EHHADH: variants seen among roughly 807,000 people sequenced by gnomAD.
EHHADH encodes peroxisomal bifunctional enzyme.
A neutral mutation model predicts 64.4 loss-of-function variants in EHHADH; 48 were observed. The observed-to-expected ratio is 0.75, with a 90% CI of 0.59 to 0.95. The LOEUF is 0.95. Among genes scored for constraint, EHHADH ranks in the 40% least tolerant of loss-of-function variants. The probability of loss-of-function intolerance (pLI) is 0.00; values close to 1 mark genes in which losing one functional copy is unlikely to be tolerated. For missense variants in EHHADH, 854 were observed against 876.6 expected (o/e 0.97, Z 0.33); for synonymous variants, 308 against 326.7 (o/e 0.94, Z 0.62).
intron 4 of EHHADH, among the ~76,000 whole-genome samples, chr3:185,226,278 T>TC (rs931360028): frequency 1.1e-4 from 16 of 151,878 alleles, no homozygotes; most frequent in Non-Finnish European, 2.2e-4. Context: ...TATGGAGAGG[T>TC]CCCCGTACAT....
At chr3:185,200,956 C>T (rs529446028) in intron 6 of EHHADH, among the ~76,000 whole-genome samples, 16 of 151,898 alleles carry the variant, frequency 1.1e-4, no homozygotes, top group Non-Finnish European at 1.8e-4. Flanking sequence ...GACTTTGGCC[C>T]GAGAGTGGCT....
chr3:185,204,355 A>C, intron 6 of EHHADH, 61 bp downstream of exon 6: 1 of 1,463,794 alleles, frequency 6.8e-7, no homozygotes, highest in Non-Finnish European at 9.2e-7. Context: ...AGCCCTAAGC[A>C]AATGGTAGCA....
intron 6 of EHHADH, among the ~76,000 whole-genome samples, chr3:185,194,826 A>AAAAAAAAAAAAAAAAAAAC (rs1718016403): frequency 1.4e-5 from 2 of 145,110 alleles, no homozygotes; most frequent in African/African-American, 2.6e-5. Context: ...AAAAAAAAAA[A>AAAAAAAAAAAAAAAAAAAC]AAGAAGCCTA....
At chr3:185,230,246 T>C (rs1001291245) in intron 3 of EHHADH, among the ~76,000 whole-genome samples, 6 of 152,220 alleles carry the variant, frequency 3.9e-5, no homozygotes, top group African/African-American at 1.2e-4. Flanking sequence ...GTAGACACTT[T>C]GGAAAACAAT....
intron 5 of EHHADH, among the ~76,000 whole-genome samples, chr3:185,205,731 A>T (rs1718369731): frequency 6.6e-6 from 1 of 152,194 alleles, no homozygotes; most frequent in South Asian, 2.1e-4. Flanking sequence ...CTGTTTGAGG[A>T]GCCAGAAGTT....
chr3:185,228,280 G>GAGA (rs1553778714), intron 4 of EHHADH, among the ~76,000 whole-genome samples: 29 of 95,520 alleles, frequency 3.0e-4, no homozygotes, highest in Admixed American at 5.8e-4. Context: ...ATATATATAT[G>GAGA]GAGAGAGAGA....
rs1410087896 is a variant in EHHADH, at chr3:185,191,458, GAGA to G, written c.*765_*767del. ...AACTACACAAGGCAAAAAGTAAAAA[GAGA>G]AGAACTCTTACAACAAAATCATACA... On this transcript the variant is annotated 3_prime_UTR_variant, in exon 7 of 7. Transcript: ENST00000231887. 1.3e-5 allele frequency: 2 copies of G among 151,896 alleles called. No individual in the cohort carries two copies. Among genetic ancestry groups the G allele is most frequent in the Non-Finnish European group, 2.9e-5 (2 of 68,024 alleles). 9.4% of individuals were successfully genotyped at this position (151,896 alleles called of 1,614,324 possible).
intron 2 of EHHADH, 79 bp downstream of exon 2, chr3:185,248,334 AC>A (rs1719651336): frequency 9.8e-7 from 1 of 1,025,438 alleles, no homozygotes; most frequent in East Asian, 2.4e-5. Context: ...GTTATTACCA[AC>A]AAGCACAGCT....
At chr3:185,195,582 T>C (rs1329837684) in intron 6 of EHHADH, among the ~76,000 whole-genome samples, 3 of 152,168 alleles carry the variant, frequency 2.0e-5, no homozygotes, top group Non-Finnish European at 4.4e-5. Flanking sequence ...TTATTCAAAA[T>C]AGCCAAATGC....
chr3:185,245,790 CAGA>C (rs1171033373), intron 2 of EHHADH: 18 of 721,776 alleles, frequency 2.5e-5, no homozygotes, highest in African/African-American at 2.5e-4. Flanking sequence ...GTAAAGTTGA[CAGA>C]AGAAGTTTTC....
intron 6 of EHHADH, among the ~76,000 whole-genome samples, chr3:185,203,099 A>G (rs1718277550): frequency 6.6e-6 from 1 of 152,154 alleles, no homozygotes; most frequent in Non-Finnish European, 1.5e-5. Flanking sequence ...GAAAAAAGAA[A>G]GAAAAATCAG....
intron 2 of EHHADH, among the ~76,000 whole-genome samples, chr3:185,239,803 C>A (rs1321288559): frequency 6.6e-6 from 1 of 152,150 alleles, no homozygotes; most frequent in Non-Finnish European, 1.5e-5. Context: ...CTGGCTAGGA[C>A]TTCCAGTACT....
In EHHADH at chr3:185,235,392, T is replaced by C. The variant is rs936896582; in HGVS notation, c.249A>G (p.Ile83Met). 1.2e-6 allele frequency: 2 copies of C among 1,614,006 alleles called. No individual in the cohort carries two copies. Among genetic ancestry groups the C allele is most frequent in the East Asian group, 2.2e-5 (1 of 44,868 alleles). Residue 83 changes from isoleucine to methionine, a missense_variant, in exon 3 of 7, where the codon ATA becomes ATG. By Grantham distance (10) the Ile-to-Met change is conservative. Transcript: ENST00000231887. The part of the protein sequence containing the change: ...GLTLGHVVDE[I>M]QRNEKPVVAA... Reference sequence around the variant, plus strand: ...CCACCACGGGCTTCTCATTTCTCTGTATTTCATCTACTACATGTCCCAGTG... The same window carrying C: ...CCACCACGGGCTTCTCATTTCTCTGCATTTCATCTACTACATGTCCCAGTG...
rs745621649 is a variant in EHHADH, at chr3:185,192,529, G to A, written c.1869C>T (p.Cys623=). 2.0e-5 allele frequency: 33 copies of A among 1,614,062 alleles called. 1 individual carries two copies. In the South Asian group the frequency reaches 3.3e-4, roughly 16 times the overall value. The change falls in exon 7 of 7, where the codon TGC becomes TGT. Residue 623 remains cysteine (C), a synonymous_variant. Coordinates refer to ENST00000231887, the MANE Select transcript of EHHADH (RefSeq NM_001966.4). ...ATGCTTCATTGATAAGTGAATATAA[G>A]CAGCGTTCAAGGATCTCATCCTGGC... is the stretch of plus-strand genomic sequence containing the variant. ...TISQDEILER[C]LYSLINEAFR...
chr3:185,235,285 G>T lies in EHHADH; in HGVS notation c.351+5C>A, dbSNP rs1274580775. On this transcript the variant is annotated splice_donor_5th_base_variant and intron_variant, in intron 3 of 6. Transcript: ENST00000231887. ...CCAGCCACTATATAGAGCCTTGGTTGTTACCTCTGCGTGGGCAATCCTATA... is the reference window on the plus strand; with the variant it reads ...CCAGCCACTATATAGAGCCTTGGTTTTTACCTCTGCGTGGGCAATCCTATA... The T allele has an allele frequency of 6.2e-7, 1 of 1,607,202 alleles. No individual in the cohort carries two copies. Among genetic ancestry groups the T allele is most frequent in the Non-Finnish European group, 8.5e-7 (1 of 1,176,996 alleles).
intron 5 of EHHADH, among the ~76,000 whole-genome samples, chr3:185,210,073 C>A (rs1281283790): frequency 2.0e-5 from 3 of 152,118 alleles, no homozygotes; most frequent in Admixed American, 6.5e-5. Flanking sequence ...AAGGAGAGAA[C>A]AAGAGCATGG....
At chr3:185,214,797 A>G (rs751389530) in intron 5 of EHHADH, among the ~76,000 whole-genome samples, 29 of 152,238 alleles carry the variant, frequency 1.9e-4, no homozygotes, top group Admixed American at 1.0e-3. Flanking sequence ...TCGTTTTTAC[A>G]TAATTAATTT....
chr3:185,236,231 G>A (rs1189033844), intron 2 of EHHADH, among the ~76,000 whole-genome samples: 12 of 152,200 alleles, frequency 7.9e-5, no homozygotes, highest in Middle Eastern at 3.4e-3. Flanking sequence ...GATCAGTAGC[G>A]GCATTAGATT....
At position 185,192,500 on chromosome 3, in the gene EHHADH, C is replaced by A; in HGVS notation, c.1898G>T (p.Arg633Leu). ...AGCAGCTATCCCTTCTCCCAAGATACGGAATGCTTCATTGATAAGTGAATA... is the reference window on the plus strand; with the variant it reads ...AGCAGCTATCCCTTCTCCCAAGATAAGGAATGCTTCATTGATAAGTGAATA... ...CLYSLINEAF[R>L]ILGEGIAASP... Residue 633 changes from arginine to leucine, a missense_variant, in exon 7 of 7, where the codon CGT becomes CTT. Physicochemically the swap from Arg to Leu is moderately radical, Grantham distance 102. Coordinates refer to ENST00000231887, the MANE Select transcript of EHHADH (RefSeq NM_001966.4). 3 of 1,614,198 alleles carry A rather than the reference C, an allele frequency of 1.9e-6. No individual in the cohort carries two copies. The highest frequency in any genetic ancestry group is 1.3e-5 in the African/African-American group (1 of 75,050).
Sources: allele counts gnomAD v4.1 joint callset (sites outside exome capture counted in the v4.1 genomes callset), GRCh38; gene constraint gnomAD v4.1.1; transcripts MANE v1.5; gene names NCBI Gene and HGNC (gene_info 2026-07-23, HGNC 2026-07-21).